DOCK6: variants seen among roughly 807,000 people sequenced by gnomAD.
The protein encoded by DOCK6 is dedicator of cytokinesis 6.
A neutral mutation model predicts 230.3 loss-of-function variants in DOCK6; 167 were observed. The ratio of observed to expected loss-of-function variants is 0.73; its 90% CI spans 0.64 to 0.82. DOCK6 has a LOEUF of 0.82. Among genes scored for constraint, DOCK6 ranks in the 40% least tolerant of loss-of-function variants. The probability of loss-of-function intolerance (pLI) is 0.00; values close to 1 mark genes in which losing one functional copy is unlikely to be tolerated. For synonymous variants in DOCK6, 1,148 were observed against 1,185.0 expected (o/e 0.97, Z 0.64); for missense variants, 2,598 against 2,825.8 (o/e 0.92, Z 1.83).
chr19:11,219,495 A>G (rs944888537), intron 28 of DOCK6, among the ~76,000 whole-genome samples: 19 of 151,784 alleles, frequency 1.3e-4, no homozygotes, highest in African/African-American at 4.6e-4. Context: ...GCTTAAAAAA[A>G]TCACTGTTAA....
chr19:11,213,796 AT>A (rs763028538), intron 34 of DOCK6, among the ~76,000 whole-genome samples: 8,430 of 111,360 alleles, frequency 0.076, 267 homozygotes, highest in Non-Finnish European at 0.1. Context: ...TCTGGCTAAC[AT>A]TTTTTTTTTT....
In DOCK6 at chr19:11,260,246, TA is replaced by T. The variant is rs1158648198; in HGVS notation, c.44+2150del. Among the ~76,000 whole-genome samples the T allele has an allele frequency of 3.3e-5, 5 of 151,802 alleles. No homozygotes were observed. The East Asian group carries it at 9.7e-4, about 29-fold the overall frequency. On this transcript the variant is annotated intron_variant, in intron 1 of 47. Coordinates refer to ENST00000294618, the MANE Select transcript of DOCK6 (RefSeq NM_020812.4). Reference sequence around the variant, plus strand: ...CCAAAACCCCTCTTTCTCACTTGAGTAAAAACCAGGACCCAAGGACATACAG... The same window carrying T: ...CCAAAACCCCTCTTTCTCACTTGAGTAAAACCAGGACCCAAGGACATACAG...
chr19:11,250,585 C>T (rs1445313508), intron 6 of DOCK6, among the ~76,000 whole-genome samples: 4 of 152,070 alleles, frequency 2.6e-5, no homozygotes, highest in South Asian at 2.1e-4. Flanking sequence ...GCTGGGATTA[C>T]GGGCATGAGC....
Position 11,236,220 on chromosome 19 carries a change from G to T in DOCK6, c.2392+126C>A. 1 of 927,522 alleles carries T rather than the reference G, an allele frequency of 1.1e-6. No individual in the cohort carries two copies. 57.5% of individuals were successfully genotyped at this position (927,522 alleles called of 1,614,324 possible). ...GACCTTCTCTGGGTGCAGGGGACTGGAGGTCATTTTTCAGATGAGAAAAAT... is the reference window on the plus strand; with the variant it reads ...GACCTTCTCTGGGTGCAGGGGACTGTAGGTCATTTTTCAGATGAGAAAAAT... On this transcript the variant is annotated intron_variant, in intron 20 of 47. Transcript: ENST00000294618. This position sits in a 1 kb window ranked among gnomAD's most constrained non-coding sequence, Gnocchi z 5.2.
At chr19:11,214,447 C>T (rs1343595128) in intron 33 of DOCK6, 38 bp from the exon 34 acceptor site, 2 of 1,613,390 alleles carry the variant, frequency 1.2e-6, no homozygotes, top group African/African-American at 2.7e-5. Context: ...GTGTTAGAGC[C>T]TAGGGTGGTT....
At chr19:11,260,684 AC>A (rs1482027438) in intron 1 of DOCK6, among the ~76,000 whole-genome samples, 1 of 151,524 alleles carries the variant, frequency 6.6e-6, no homozygotes, top group Non-Finnish European at 1.5e-5. Flanking sequence ...GGAGTTCGTG[AC>A]CAGCCTGGTC....
chr19:11,199,622 C>A, intron 47 of DOCK6, 83 bp from the exon 48 acceptor site: 3 of 1,400,168 alleles, frequency 2.1e-6, no homozygotes, highest in East Asian at 2.5e-5. Flanking sequence ...TCTTCCTCCT[C>A]CTCCTCGTCT....
Position 11,200,712 on chromosome 19 carries a change from C to G in DOCK6, c.5939+4G>C, listed in dbSNP as rs756005941. On this transcript the variant is annotated splice_donor_region_variant and intron_variant, in intron 46 of 47. Coordinates refer to ENST00000294618, the MANE Select transcript of DOCK6 (RefSeq NM_020812.4). The surrounding 1 kb of genome is among the most constrained non-coding windows in gnomAD (Gnocchi z 4.3). ...AGACCCCTCCTGGGGGGTTTTGCGC[C>G]TACTTCTTGCAGAAGTCCTTGAAGC... 1.2e-6 allele frequency: 2 copies of G among 1,611,038 alleles called. No homozygotes were observed. Among genetic ancestry groups the G allele is most frequent in the Admixed American group, 3.3e-5 (2 of 59,726 alleles).
intron 31 of DOCK6, 79 bp from the exon 32 acceptor site, chr19:11,215,550 G>C: frequency 6.9e-7 from 1 of 1,444,058 alleles, no homozygotes; most frequent in Admixed American, 1.9e-5. Flanking sequence ...GCACAGGCAT[G>C]AAGATATTCA....
intron 28 of DOCK6, among the ~76,000 whole-genome samples, chr19:11,218,398 C>T (rs1298765508): frequency 2.0e-5 from 3 of 152,202 alleles, no homozygotes; most frequent in Non-Finnish European, 2.9e-5. Flanking sequence ...CTGCCCGCCT[C>T]GGCCTCCCAA....
chr19:11,203,886 G>A (rs1280734703), intron 41 of DOCK6, 195 bp downstream of exon 41: 9 of 677,888 alleles, frequency 1.3e-5, no homozygotes, highest in South Asian at 8.0e-5. Flanking sequence ...AGCTGCCCTC[G>A]AGATCTGGGG....
At chr19:11,252,337 C>T (rs1441140869) in intron 4 of DOCK6, 89 bp from the exon 5 acceptor site, 3 of 1,569,588 alleles carry the variant, frequency 1.9e-6, no homozygotes, top group Non-Finnish European at 2.6e-6. Context: ...ATGGCACCTT[C>T]AAAGCCACCG....
chr19:11,201,823 C>CA lies in DOCK6; in HGVS notation c.5688+65_5688+66insT. The CA allele has an allele frequency of 7.4e-6, 10 of 1,354,382 alleles. No individual in the cohort carries two copies. The highest frequency in any genetic ancestry group is 7.0e-6 in the Non-Finnish European group (7 of 998,338). 83.9% of individuals were successfully genotyped at this position (1,354,382 alleles called of 1,614,324 possible). ...TCTGGGTCCCTGTGTCTACCCTCCC[C>CA]TCCCCTCCCAGGGTCTGATGTCCCC... On this transcript the variant is annotated intron_variant, in intron 44 of 47. Coordinates refer to ENST00000294618, the MANE Select transcript of DOCK6 (RefSeq NM_020812.4). This position sits in a 1 kb window ranked among gnomAD's most constrained non-coding sequence, Gnocchi z 4.3.
rs1423289379 is a variant in DOCK6, at chr19:11,260,892, A to AAAAAAAG, written c.44+1504_44+1505insCTTTTTT. Among the ~76,000 whole-genome samples the AAAAAAAG allele has an allele frequency of 1.3e-5, 2 of 148,600 alleles. 1 individual carries two copies. The highest frequency in any genetic ancestry group is 5.1e-5 in the African/African-American group (2 of 39,556). Reference sequence around the variant, plus strand: ...AGCGAGACTCTGTCTCAAAAAAAAAAAAAGAAAGAAAGAAAGAAAAGAAAA... The same window carrying AAAAAAAG: ...AGCGAGACTCTGTCTCAAAAAAAAAAAAAAAAGAAAGAAAGAAAGAAAGAAAAGAAAA... On this transcript the variant is annotated intron_variant, in intron 1 of 47. Coordinates refer to ENST00000294618, the MANE Select transcript of DOCK6 (RefSeq NM_020812.4).
At chr19:11,211,200 A>T (rs1283949642) in intron 37 of DOCK6, among the ~76,000 whole-genome samples, 1 of 147,576 alleles carries the variant, frequency 6.8e-6, no homozygotes, top group Non-Finnish European at 1.5e-5. Context: ...TCTTGAGTTG[A>T]CTCTACCTGT....
chr19:11,242,988 T>G, intron 13 of DOCK6, 71 bp downstream of exon 13: 1 of 1,559,176 alleles, frequency 6.4e-7, no homozygotes, highest in Non-Finnish European at 8.8e-7. Context: ...GCACAGTAGG[T>G]GCTCTCAGTG....
chr19:11,228,291 G>T (rs1428017019), intron 23 of DOCK6, among the ~76,000 whole-genome samples: 1 of 152,094 alleles, frequency 6.6e-6, no homozygotes, highest in African/African-American at 2.4e-5. Context: ...GATTACAGGC[G>T]TGAGCCACTG....
At chr19:11,217,990 TAC>T (rs1342005303) in intron 28 of DOCK6, among the ~76,000 whole-genome samples, 1 of 151,646 alleles carries the variant, frequency 6.6e-6, no homozygotes, top group Non-Finnish European at 1.5e-5. Context: ...TAGCTGTGAT[TAC>T]AGGCACCCGC....
rs2079179259 is a variant in DOCK6, at chr19:11,202,087, A to T, written c.5490T>A (p.Asp1830Glu). 5.6e-6 allele frequency: 9 copies of T among 1,614,032 alleles called. No homozygotes were observed. The highest frequency in any genetic ancestry group is 6.8e-6 in the Non-Finnish European group (8 of 1,179,898). The change falls in exon 44 of 48, where the codon GAT becomes GAA. Residue 1830 changes from aspartate (D) to glutamate (E), a missense_variant. Asp to Glu is a conservative substitution (Grantham distance 45). Coordinates refer to ENST00000294618, the MANE Select transcript of DOCK6 (RefSeq NM_020812.4). The surrounding 1 kb of genome is among the most constrained non-coding windows in gnomAD (Gnocchi z 5.3). ...IQITYVEPYFDTYELKDRVTY... is the reference protein window; with the variant it reads ...IQITYVEPYFETYELKDRVTY... ...TCACCCGGTCCTTGAGCTCGTAGGT[A>T]TCAAAGTACGGTTCCACATACGTGA...
Sources: gnomAD v4.1 joint callset for allele counts (sites outside exome capture counted in the v4.1 genomes callset) on GRCh38, gnomAD v4.1.1 for gene constraint, Gnocchi (gnomAD v3.1) non-coding constraint, MANE v1.5 for transcripts, NCBI Gene and HGNC (gene_info 2026-07-23, HGNC 2026-07-21) for gene names.